Variants in ZBTB20 observed in about 807,000 individuals in gnomAD.
ZBTB20 encodes the protein zinc finger and BTB domain-containing protein 20.
ZBTB20 carries 9 observed loss-of-function variants against 56.9 expected under a neutral mutation model. The observed-to-expected ratio is 0.16, with a 90% confidence interval of 0.10 to 0.28. The LOEUF (loss-of-function observed/expected upper bound fraction) is 0.28. Among genes scored for constraint, ZBTB20 ranks in the 10% least tolerant of loss-of-function variants. ZBTB20 has a pLI of 1.00. For synonymous variants in ZBTB20, 417 were observed against 420.7 expected, an observed-to-expected ratio of 0.99 and a Z score of 0.11; for missense variants, 655 against 1,003.0, an observed-to-expected ratio of 0.65 and a Z score of 4.69.
At chr3:114,534,434 G>T (rs1468633710) in intron 6 of ZBTB20, among the ~76,000 whole-genome samples, 3 of 152,130 alleles carry the variant, frequency 2.0e-5, no homozygotes, top group Non-Finnish European at 4.4e-5. Flanking sequence ...AACAAGAAGA[G>T]CTAACTGTCC....
chr3:114,609,932 A>G (rs886161478), intron 6 of ZBTB20, among the ~76,000 whole-genome samples: 3 of 152,176 alleles, frequency 2.0e-5, no homozygotes, highest in Non-Finnish European at 4.4e-5. Flanking sequence ...AGCAGTCAAC[A>G]TTTGCAAGGT....
intron 7 of ZBTB20, among the ~76,000 whole-genome samples, chr3:114,438,536 A>G (rs150947693): frequency 1.4e-3 from 210 of 152,254 alleles, no homozygotes; most frequent in African/African-American, 4.6e-3. Flanking sequence ...CTTGGAGGAA[A>G]GAAGGAGAGA....
intron 7 of ZBTB20, among the ~76,000 whole-genome samples, chr3:114,454,211 A>AGAGAGAGAGAGAG (rs1317410658): frequency 1.6e-3 from 202 of 129,050 alleles, no homozygotes; most frequent in African/African-American, 3.8e-3. Flanking sequence ...AGAGAGAGAG[A>AGAGAGAGAGAGAG]AATTGGAGCT....
chr3:114,728,791 G>A (rs2065496810), intron 5 of ZBTB20, among the ~76,000 whole-genome samples: 1 of 152,184 alleles, frequency 6.6e-6, no homozygotes, highest in African/African-American at 2.4e-5. Flanking sequence ...TTTCATTCAT[G>A]TAGAATACTG....
intron 6 of ZBTB20, among the ~76,000 whole-genome samples, chr3:114,550,327 T>A (rs1199096925): frequency 1.3e-5 from 2 of 152,172 alleles, no homozygotes; most frequent in Non-Finnish European, 2.9e-5. Flanking sequence ...ACAGTTTGGG[T>A]CAGCGGTCAG....
intron 2 of ZBTB20, among the ~76,000 whole-genome samples, chr3:115,052,926 TA>T (rs1165801003): frequency 6.6e-6 from 1 of 152,148 alleles, no homozygotes; most frequent in Non-Finnish European, 1.5e-5. Context: ...AATTTTTAAT[TA>T]ATTTCAAAAA....
intron 7 of ZBTB20, among the ~76,000 whole-genome samples, chr3:114,459,405 T>C (rs1458986759): frequency 4.6e-5 from 7 of 152,174 alleles, no homozygotes; most frequent in Non-Finnish European, 1.0e-4. Context: ...ACAATAAATA[T>C]ATAAAACAGC....
intron 3 of ZBTB20, among the ~76,000 whole-genome samples, chr3:114,917,157 G>A (rs1408237999): frequency 6.6e-6 from 1 of 152,020 alleles, no homozygotes; most frequent in Non-Finnish European, 1.5e-5. Flanking sequence ...CCCGTTAAGA[G>A]GCTGCTGCAT....
chr3:114,994,000 C>T (rs886071241), intron 2 of ZBTB20, among the ~76,000 whole-genome samples: 9 of 151,546 alleles, frequency 5.9e-5, no homozygotes, highest in Non-Finnish European at 5.9e-5. Context: ...TTAGGCTAAA[C>T]CATATTATTT....
At chr3:114,992,232 C>G (rs989977375) in intron 2 of ZBTB20, among the ~76,000 whole-genome samples, 2 of 151,916 alleles carry the variant, frequency 1.3e-5, no homozygotes, top group Admixed American at 1.3e-4. Flanking sequence ...GTAAATATGT[C>G]AGCAACTGAA....
rs138181405 is a variant in ZBTB20 at position 114,787,331 on chromosome 3, TTATATATATATATATA to T, written c.-343+13754_-343+13769del. Among the ~76,000 whole-genome samples, 970 of 100,582 alleles carry T rather than the reference TTATATATATATATATA, an allele frequency of 9.6e-3. 47 individuals carry two copies. The highest frequency in any genetic ancestry group is 0.046 in the African/African-American group (886 of 19,176). 66.0% of individuals were successfully genotyped at this position (100,582 alleles called of 152,430 possible). A position where few individuals can be genotyped will look rare whatever the true frequency, so the allele number is the denominator to read the frequency against. On this transcript the variant is annotated intron_variant, in intron 5 of 11. Transcript: ENST00000675478. Reference sequence around the variant, plus strand: ...AGTGAAAGAAGCCAGTCTTAAAAGGTTATATATATATATATATATATATATATATATATATATACAC... The same window carrying T: ...AGTGAAAGAAGCCAGTCTTAAAAGGTTATATATATATATATATATATACAC...
At chr3:114,915,455 CTT>C (rs2075707383) in intron 3 of ZBTB20, among the ~76,000 whole-genome samples, 1 of 151,672 alleles carries the variant, frequency 6.6e-6, no homozygotes, top group African/African-American at 2.4e-5. Flanking sequence ...TTATTTGGGT[CTT>C]CTATCTTTTT....
At position 114,644,192 on chromosome 3, in the gene ZBTB20, G is replaced by A. The variant is rs538681147; in HGVS notation, c.-295+49336C>T. 3.3e-5 allele frequency among the ~76,000 whole-genome samples: 5 copies of A among 151,936 alleles called. No individual in the cohort carries two copies. The South Asian group carries it at 1.0e-3, about 32-fold the overall frequency. ...ATTTTAGAATCATAAAAAACAAAAC[G>A]AAATAAAATAGCTCAATACCATTGA... is the stretch of plus-strand genomic sequence containing the variant. On this transcript the variant is annotated intron_variant, in intron 6 of 11. Transcript: ENST00000675478.
chr3:114,987,705 G>T (rs1235493977), intron 2 of ZBTB20, among the ~76,000 whole-genome samples: 1 of 152,124 alleles, frequency 6.6e-6, no homozygotes, highest in Non-Finnish European at 1.5e-5. Context: ...ACAGTCACTT[G>T]CTCTGTACTC....
chr3:114,888,094 TAAA>T (rs1386967202), intron 4 of ZBTB20, among the ~76,000 whole-genome samples: 1 of 139,010 alleles, frequency 7.2e-6, no homozygotes. Context: ...AATTGGTCAT[TAAA>T]AAAAAAAAAA....
chr3:114,525,415 C>A (rs1303462042), intron 6 of ZBTB20, among the ~76,000 whole-genome samples: 1 of 152,078 alleles, frequency 6.6e-6, no homozygotes, highest in Non-Finnish European at 1.5e-5. Context: ...TTTCACTACT[C>A]CCCCAAAACA....
chr3:114,884,526 A>G (rs2076532832), intron 4 of ZBTB20, among the ~76,000 whole-genome samples: 2 of 152,198 alleles, frequency 1.3e-5, no homozygotes, highest in Non-Finnish European at 2.9e-5. Context: ...GATTAGACAC[A>G]TTAAACTAAG....
chr3:115,110,826 T>G (rs1459784091), intron 1 of ZBTB20, among the ~76,000 whole-genome samples: 1 of 151,794 alleles, frequency 6.6e-6, no homozygotes, highest in Admixed American at 6.6e-5. Context: ...CCATCTCTAC[T>G]AAAAATACAA....
At chr3:114,472,695 C>T (rs113787342) in intron 7 of ZBTB20, among the ~76,000 whole-genome samples, 17,516 of 134,454 alleles carry the variant, frequency 0.13, 1,498 homozygotes, top group East Asian at 0.28. Context: ...ACAACAAGAG[C>T]GAAACTCCAT....
Sources: allele counts gnomAD v4.1 joint callset (sites outside exome capture counted in the v4.1 genomes callset), GRCh38; gene constraint gnomAD v4.1.1; transcripts MANE v1.5; gene names NCBI Gene and HGNC (gene_info 2026-07-23, HGNC 2026-07-21).